Variants in DGKB observed in about 807,000 individuals in gnomAD.
The protein encoded by DGKB is diacylglycerol kinase beta.
DGKB carries 67 observed loss-of-function variants against 114.3 expected under a neutral mutation model. The observed-to-expected ratio is 0.59, with a 90% confidence interval of 0.48 to 0.72. The LOEUF (loss-of-function observed/expected upper bound fraction) is 0.72, where lower values mean the gene tolerates loss of function less well. Among genes scored for constraint, DGKB ranks in the 30% least tolerant of loss-of-function variants. DGKB has a pLI of 0.00. For synonymous variants in DGKB, 398 were observed against 323.1 expected (o/e 1.23, Z -2.49); for missense variants, 907 against 975.2 (o/e 0.93, Z 0.93).
intron 20 of DGKB, among the ~76,000 whole-genome samples, chr7:14,500,415 G>T (rs191303251): frequency 4.2e-4 from 64 of 151,002 alleles, no homozygotes; most frequent in African/African-American, 1.4e-3. Flanking sequence ...CTTATTCTAT[G>T]TTTAGTACTG....
intron 1 of DGKB, among the ~76,000 whole-genome samples, chr7:14,876,885 AT>A (rs1455199029): frequency 3.9e-5 from 6 of 152,324 alleles, no homozygotes; most frequent in Non-Finnish European, 7.3e-5. Context: ...TATATTCCAA[AT>A]TACTTTTCTT....
intron 2 of DGKB, among the ~76,000 whole-genome samples, chr7:14,786,566 G>A (rs940590814): frequency 3.3e-5 from 5 of 152,206 alleles, no homozygotes; most frequent in Admixed American, 6.5e-5. Flanking sequence ...GAGTTGGTGG[G>A]CCAGGAGCCC....
intron 20 of DGKB, among the ~76,000 whole-genome samples, chr7:14,492,339 G>T (rs561169657): frequency 3.9e-5 from 6 of 151,920 alleles, no homozygotes; most frequent in Non-Finnish European, 8.8e-5. Context: ...TGTCTAGGGT[G>T]GGGGGTGATG....
intron 1 of DGKB, among the ~76,000 whole-genome samples, chr7:14,942,202 T>G (rs75504909): frequency 0.02 from 3,031 of 151,948 alleles, 94 homozygotes; most frequent in African/African-American, 0.068. Context: ...AGATTTGTGC[T>G]AAATGGTAAT....
chr7:14,738,815 G>T (rs548229435), intron 4 of DGKB, among the ~76,000 whole-genome samples: 17 of 152,178 alleles, frequency 1.1e-4, no homozygotes, highest in Non-Finnish European at 2.4e-4. Context: ...ATTGGTGAAA[G>T]TTTTTCTCTG....
rs7805162 is a variant in DGKB at position 14,973,206 on chromosome 7, T to A, written c.-188+1490A>T. On this transcript the variant is annotated intron_variant, in intron 1 of 4. Transcript: ENST00000437998. ...TCTACATATCCAATAGACTTCTGAA[T>A]ATATTTCTTCTCTACTTATCTCTAT... Among the ~76,000 whole-genome samples, 7 of 151,826 alleles carry A rather than the reference T, an allele frequency of 4.6e-5. No homozygotes were observed. In the East Asian group the frequency reaches 9.7e-4, roughly 21 times the overall value.
intron 4 of DGKB, among the ~76,000 whole-genome samples, chr7:14,737,022 G>A (rs1028758887): frequency 6.6e-6 from 1 of 152,154 alleles, no homozygotes; most frequent in African/African-American, 2.4e-5. Flanking sequence ...GTGCTTTGGG[G>A]ACAAAGGCAA....
chr7:14,208,622 G>A (rs576292337), intron 23 of DGKB, among the ~76,000 whole-genome samples: 12 of 151,922 alleles, frequency 7.9e-5, no homozygotes, highest in African/African-American at 2.7e-4. Context: ...TTTCTGTATT[G>A]AGTAAAATAA....
intron 2 of DGKB, among the ~76,000 whole-genome samples, chr7:14,778,450 G>T (rs182798746): frequency 1.9e-4 from 29 of 152,142 alleles, no homozygotes; most frequent in African/African-American, 7.0e-4. Context: ...TTTTAAATGA[G>T]CATGCTAGGC....
At chr7:14,313,413 T>C (rs6461086) in intron 23 of DGKB, among the ~76,000 whole-genome samples, 133,003 of 151,770 alleles carry the variant, frequency 0.88, 58,620 homozygotes, top group African/African-American at 0.97. Flanking sequence ...TCAGTGGGTG[T>C]GCGCACAGTG....
At chr7:14,353,335 A>AG (rs1813821051) in intron 21 of DGKB, among the ~76,000 whole-genome samples, 1 of 152,194 alleles carries the variant, frequency 6.6e-6, no homozygotes, top group Non-Finnish European at 1.5e-5. Context: ...CCTAGAGCTG[A>AG]CTAATGGAAC....
At chr7:14,352,424 T>A (rs952411107) in intron 21 of DGKB, among the ~76,000 whole-genome samples, 1 of 152,182 alleles carries the variant, frequency 6.6e-6, no homozygotes, top group African/African-American at 2.4e-5. Context: ...AGTTCTCTAT[T>A]TGTATTGTAC....
At chr7:14,856,813 G>A (rs1170914637) in intron 1 of DGKB, among the ~76,000 whole-genome samples, 1 of 152,048 alleles carries the variant, frequency 6.6e-6, no homozygotes, top group Non-Finnish European at 1.5e-5. Context: ...CTGGGTTTTA[G>A]GGTATGCTTT....
At chr7:14,604,358 C>T (rs1186293257) in intron 17 of DGKB, among the ~76,000 whole-genome samples, 1 of 151,660 alleles carries the variant, frequency 6.6e-6, no homozygotes, top group East Asian at 1.9e-4. Context: ...AAGTTATTTC[C>T]TCTTATAAAC....
chr7:14,703,915 C>G (rs1825668728), intron 6 of DGKB, among the ~76,000 whole-genome samples: 1 of 152,126 alleles, frequency 6.6e-6, no homozygotes, highest in African/African-American at 2.4e-5. Flanking sequence ...TAAAAATGAA[C>G]TTACTATTGT....
intron 19 of DGKB, among the ~76,000 whole-genome samples, chr7:14,575,162 A>G (rs1361311929): frequency 6.6e-6 from 1 of 152,278 alleles, no homozygotes; most frequent in African/African-American, 2.4e-5. Context: ...TAAATTTGCT[A>G]ACACTTCTTT....
chr7:14,550,880 A>C (rs1157215785), intron 20 of DGKB, among the ~76,000 whole-genome samples: 1 of 152,224 alleles, frequency 6.6e-6, no homozygotes, highest in Non-Finnish European at 1.5e-5. Flanking sequence ...ATGAAATTTA[A>C]AAAAGACTTT....
At chr7:14,175,707 A>AT (rs572543304) in intron 25 of DGKB, among the ~76,000 whole-genome samples, 20 of 152,022 alleles carry the variant, frequency 1.3e-4, no homozygotes, top group Middle Eastern at 3.4e-3. Context: ...TTTACCGTCA[A>AT]TTTTTTTTCT....
intron 21 of DGKB, among the ~76,000 whole-genome samples, chr7:14,439,244 A>G (rs1264150471): frequency 6.6e-6 from 1 of 152,160 alleles, no homozygotes; most frequent in Non-Finnish European, 1.5e-5. Flanking sequence ...CTATTTCAGT[A>G]GAGAAGAAAA....
Sources: gnomAD v4.1 joint callset for allele counts (sites outside exome capture counted in the v4.1 genomes callset) on GRCh38, gnomAD v4.1.1 for gene constraint, MANE v1.5 for transcripts, NCBI Gene and HGNC (gene_info 2026-07-23, HGNC 2026-07-21) for gene names.